The following GAB2 variants were observed in gnomAD, a reference collection of about 807,000 sequenced individuals.
GAB2 encodes the protein GRB2-associated-binding protein 2.
Under a neutral mutation model 65.5 loss-of-function variants are expected in GAB2, and 26 were observed. The observed-to-expected ratio is 0.40, with a 90% CI of 0.29 to 0.55. GAB2 has a LOEUF of 0.55. GAB2 is among the 20% of genes least tolerant of loss of function. The pLI, the probability that GAB2 is intolerant of heterozygous loss-of-function variation, is 0.53. For missense variants in GAB2, 884 were observed against 875.8 expected (o/e 1.01, Z -0.12); for synonymous variants, 321 against 329.6 (o/e 0.97, Z 0.28).
In GAB2 at chr11:78,417,513, C is replaced by T. The variant is rs566008682; in HGVS notation, c.75+133G>A. 7.6e-5 allele frequency: 23 copies of T among 301,558 alleles called. No homozygotes were observed. In the East Asian group the frequency reaches 2.3e-3, roughly 30 times the overall value. 18.7% of individuals were successfully genotyped at this position (301,558 alleles called of 1,614,324 possible). On this transcript the variant is annotated intron_variant, in intron 1 of 9. Coordinates refer to ENST00000361507, the MANE Select transcript of GAB2 (RefSeq NM_080491.3). ...TGCAGGTGCCCCACACGCCCCCGGCCGCTCCTCGCCCCCGGCCCCCCGCGG... is the reference window on the plus strand; with the variant it reads ...TGCAGGTGCCCCACACGCCCCCGGCTGCTCCTCGCCCCCGGCCCCCCGCGG...
At chr11:78,235,401 C>T (rs1864956348) in intron 3 of GAB2, among the ~76,000 whole-genome samples, 1 of 152,142 alleles carries the variant, frequency 6.6e-6, no homozygotes, top group Non-Finnish European at 1.5e-5. Context: ...ATCCGCCCAC[C>T]TCAGCCTCCC....
At chr11:78,309,982 C>CTGTGTGTG (rs1855461862) in intron 1 of GAB2, among the ~76,000 whole-genome samples, 1 of 126,516 alleles carries the variant, frequency 7.9e-6, no homozygotes, top group African/African-American at 3.7e-5. Context: ...GCGCGCGCGC[C>CTGTGTGTG]TGTGTGTGTG....
Position 78,280,632 on chromosome 11 carries a change from G to A in GAB2, c.345C>T (p.Ile115=), listed in dbSNP as rs1200941317. ...TCTCCTCAGCCTGATTGAAGCCACA[G>A]ATCTGGCAGATGCTCTGGACCCACT... ...MNKWVQSICQ[I]CGFNQAEEST... is the part of the protein sequence containing the mutation. The change falls in exon 2 of 10, where the codon ATC becomes ATT. Residue 115 remains isoleucine, a synonymous_variant. Transcript: ENST00000361507. The A allele has an allele frequency of 3.1e-6, 5 of 1,614,058 alleles. No homozygotes were observed. The highest frequency in any genetic ancestry group is 1.3e-5 in the African/African-American group (1 of 74,938).
intron 1 of GAB2, among the ~76,000 whole-genome samples, chr11:78,372,004 A>G (rs990900575): frequency 6.6e-6 from 1 of 152,198 alleles, no homozygotes; most frequent in African/African-American, 2.4e-5. Flanking sequence ...ATGAGATTAA[A>G]TAATATAAAC....
intron 3 of GAB2, among the ~76,000 whole-genome samples, chr11:78,247,192 A>G (rs1026863416): frequency 6.6e-6 from 1 of 152,188 alleles, no homozygotes; most frequent in African/African-American, 2.4e-5. Context: ...AGTCACTTCT[A>G]CAAGTTCTTC....
At chr11:78,356,227 A>T (rs1428429049) in intron 1 of GAB2, among the ~76,000 whole-genome samples, 1 of 152,000 alleles carries the variant, frequency 6.6e-6, no homozygotes, top group Admixed American at 6.6e-5. Flanking sequence ...GATGTTTAGA[A>T]ATTAGACCCC....
At chr11:78,309,971 T>TGTGTGTGC (rs1421836447) in intron 1 of GAB2, among the ~76,000 whole-genome samples, 7 of 120,194 alleles carry the variant, frequency 5.8e-5, no homozygotes, top group African/African-American at 2.5e-4. Context: ...TGTGTGTGTG[T>TGTGTGTGC]GCGCGCGCGC....
rs141893057 is a variant in GAB2 at position 78,338,698 on chromosome 11, C to A, written c.76-57797G>T. Among the ~76,000 whole-genome samples the A allele has an allele frequency of 4.6e-3, 702 of 152,242 alleles. 4 individuals are homozygous for A. The highest frequency in any genetic ancestry group is 0.016 in the African/African-American group (677 of 41,538). Reference sequence around the variant, plus strand: ...AAGGATACACACAGTGTCAAAAAAACCAGATATCTTAATGACCAGTACTGT... The same window carrying A: ...AAGGATACACACAGTGTCAAAAAAAACAGATATCTTAATGACCAGTACTGT... On this transcript the variant is annotated intron_variant, in intron 1 of 9. Transcript: ENST00000361507.
intron 1 of GAB2, among the ~76,000 whole-genome samples, chr11:78,381,674 TA>T (rs35326292): frequency 1.6e-3 from 231 of 145,336 alleles, no homozygotes; most frequent in African/African-American, 5.0e-3. Flanking sequence ...GGTAAATAGA[TA>T]AAAAAAAAAA....
chr11:78,407,646 A>AAAGTAAGT (rs1857063654), intron 1 of GAB2, among the ~76,000 whole-genome samples: 1 of 127,552 alleles, frequency 7.8e-6, no homozygotes, highest in African/African-American at 2.9e-5. Flanking sequence ...AGAAAGAAAG[A>AAAGTAAGT]AAGAAAGAAA....
chr11:78,226,366 A>G, intron 4 of GAB2, 99 bp downstream of exon 4: 1 of 954,078 alleles, frequency 1.0e-6, no homozygotes. Flanking sequence ...GTGGTTCGTA[A>G]GTTCCCCTCG....
chr11:78,322,982 G>C (rs1478796145), intron 1 of GAB2, among the ~76,000 whole-genome samples: 1 of 151,936 alleles, frequency 6.6e-6, no homozygotes, highest in African/African-American at 2.4e-5. Flanking sequence ...ATGTACAAAG[G>C]AAAATAAATT....
At chr11:78,396,001 T>G (rs1456610175) in intron 1 of GAB2, among the ~76,000 whole-genome samples, 2 of 152,240 alleles carry the variant, frequency 1.3e-5, no homozygotes, top group Admixed American at 6.5e-5. Flanking sequence ...TTAAAAAATA[T>G]AAGCATAGTA....
chr11:78,302,783 C>T (rs1262002637), intron 1 of GAB2, among the ~76,000 whole-genome samples: 1 of 152,102 alleles, frequency 6.6e-6, no homozygotes, highest in African/African-American at 2.4e-5. Flanking sequence ...ATCCCAAATA[C>T]CTATCAATGA....
intron 8 of GAB2, 59 bp from the exon 9 acceptor site, chr11:78,220,503 A>G (rs1864369766): frequency 6.8e-7 from 1 of 1,469,178 alleles, no homozygotes; most frequent in African/African-American, 1.4e-5. Context: ...CCCACCACCC[A>G]GAAAAACACC....
intron 1 of GAB2, among the ~76,000 whole-genome samples, chr11:78,319,871 CTTTTT>C (rs59307063): frequency 6.9e-6 from 1 of 145,716 alleles, no homozygotes; most frequent in African/African-American, 2.5e-5. Context: ...AAGAAACAGA[CTTTTT>C]TTTTTTTTTG....
chr11:78,357,085 T>C (rs557728542), intron 1 of GAB2, among the ~76,000 whole-genome samples: 2 of 152,326 alleles, frequency 1.3e-5, no homozygotes, highest in Admixed American at 1.3e-4. Flanking sequence ...ATGGTGGTGA[T>C]GGTCATGCAA....
At chr11:78,219,875 T>G (rs1279919486) in intron 9 of GAB2, among the ~76,000 whole-genome samples, 2 of 152,150 alleles carry the variant, frequency 1.3e-5, no homozygotes, top group East Asian at 1.9e-4. Flanking sequence ...TCTAGACTGC[T>G]TAGCTATAAG....
At chr11:78,324,392 G>A (rs1855786285) in intron 1 of GAB2, among the ~76,000 whole-genome samples, 1 of 152,106 alleles carries the variant, frequency 6.6e-6, no homozygotes, top group Admixed American at 6.5e-5. Context: ...TCACAAATGT[G>A]CCTGGATAGA....
Sources: gnomAD v4.1 joint callset for allele counts (sites outside exome capture counted in the v4.1 genomes callset) on GRCh38, gnomAD v4.1.1 for gene constraint, MANE v1.5 for transcripts, NCBI Gene and HGNC (gene_info 2026-07-23, HGNC 2026-07-21) for gene names.